MCPH1: variants seen among roughly 807,000 people sequenced by gnomAD.
The protein encoded by MCPH1 is microcephalin 1, also known as microcephalin.
Under a neutral mutation model 84.5 loss-of-function variants are expected in MCPH1, and 104 were observed. The ratio of observed to expected loss-of-function variants is 1.23; its 90% confidence interval spans 1.05 to 1.45. MCPH1 has a LOEUF of 1.45. MCPH1 is among the 40% of genes most tolerant of loss of function. The pLI is 0.00. For synonymous variants in MCPH1, 514 were observed against 366.8 expected, an observed-to-expected ratio of 1.40 and a Z score of -4.58; for missense variants, 1,498 against 1,005.7, an observed-to-expected ratio of 1.49 and a Z score of -6.62.
rs1268651795 is a variant in MCPH1, at chr8:6,442,067, C to A, written c.581C>A (p.Ser194Tyr). ...TGCAGTGTCTTGGTCCTGTTTTTAG[C>A]TTCCCAAATGATTCAGCAGTCTCAT... ...KEKRENLSPTSSQMIQQSHDN... is the reference protein window; with the variant it reads ...KEKRENLSPTYSQMIQQSHDN... The change falls in exon 7 of 14, where the codon TCT becomes TAT. Residue 194 changes from serine to tyrosine, a missense_variant and splice_region_variant. Ser to Tyr is a moderately radical substitution (Grantham distance 144). Coordinates refer to ENST00000344683, the MANE Select transcript of MCPH1 (RefSeq NM_024596.5). The A allele has an allele frequency of 3.7e-6, 6 of 1,610,350 alleles. No individual in the cohort carries two copies. The highest frequency in any genetic ancestry group is 5.1e-6 in the Non-Finnish European group (6 of 1,176,632).
intron 13 of MCPH1, among the ~76,000 whole-genome samples, chr8:6,640,098 G>GTGTA: frequency 8.4e-6 from 1 of 119,620 alleles, no homozygotes; most frequent in Non-Finnish European, 1.7e-5. Flanking sequence ...GTGTGTGTGT[G>GTGTA]CGCGCGCGTG....
intron 12 of MCPH1, among the ~76,000 whole-genome samples, chr8:6,614,417 A>G (rs901620137): frequency 2.6e-5 from 4 of 152,184 alleles, no homozygotes; most frequent in East Asian, 3.9e-4. Context: ...AGGAAGACCA[A>G]CTTAATCAAA....
intron 11 of MCPH1, among the ~76,000 whole-genome samples, chr8:6,486,205 G>A (rs1809882967): frequency 6.6e-6 from 1 of 151,872 alleles, no homozygotes; most frequent in Non-Finnish European, 1.5e-5. Context: ...TTCTTTTAGG[G>A]TCAAGATTTA....
At chr8:6,560,122 A>G (rs147591273) in intron 12 of MCPH1, among the ~76,000 whole-genome samples, 4 of 152,290 alleles carry the variant, frequency 2.6e-5, no homozygotes, top group African/African-American at 7.2e-5. Flanking sequence ...TTCCTGACAC[A>G]TGTTTTAATT....
intron 9 of MCPH1, among the ~76,000 whole-genome samples, chr8:6,460,050 T>C (rs1406252460): frequency 6.6e-6 from 1 of 152,154 alleles, no homozygotes; most frequent in Non-Finnish European, 1.5e-5. Flanking sequence ...TACCAGGGTA[T>C]TGTTTTTGTT....
intron 12 of MCPH1, among the ~76,000 whole-genome samples, chr8:6,593,081 G>GTTTTTTTTTTTTTTTTTTTT (rs377256909): frequency 1.6e-5 from 2 of 121,734 alleles, no homozygotes; most frequent in Non-Finnish European, 3.3e-5. Flanking sequence ...TTAGGGTGTG[G>GTTTTTTTTTTTTTTTTTTTT]TTTTTTTTTT....
chr8:6,414,997 C>A, intron 3 of MCPH1, 114 bp downstream of exon 3: 4 of 1,041,374 alleles, frequency 3.8e-6, no homozygotes, highest in East Asian at 2.7e-5. Context: ...CTTTTCTCTG[C>A]CTCTTACCTC....
chr8:6,444,686 T>C lies in MCPH1; in HGVS notation c.964T>C (p.Ser322Pro), dbSNP rs1247384323. The change falls in exon 8 of 14, where the codon TCT becomes CCT. Residue 322 changes from serine (S) to proline (P), a missense_variant. Transcript: ENST00000344683. Reference sequence around the variant, plus strand: ...TGACCAAAAGCAGGCTGCAGGTATGTCTCAGGAGACGTTTGAAGAGAAGTA... The same window carrying C: ...TGACCAAAAGCAGGCTGCAGGTATGCCTCAGGAGACGTTTGAAGAGAAGTA... ...TPDQKQAAGM[S>P]QETFEEKYRL... 6.2e-7 allele frequency: 1 copy of C among 1,613,946 alleles called. No homozygotes were observed. The highest frequency in any genetic ancestry group is 1.3e-5 in the African/African-American group (1 of 74,928).
intron 12 of MCPH1, among the ~76,000 whole-genome samples, chr8:6,509,916 CT>C (rs1368155602): frequency 6.6e-6 from 1 of 152,176 alleles, no homozygotes; most frequent in Non-Finnish European, 1.5e-5. Context: ...CTCGCTGCCG[CT>C]GCCTGGCATC....
intron 9 of MCPH1, 93 bp from the exon 10 acceptor site, chr8:6,477,501 C>T: frequency 1.7e-6 from 2 of 1,189,016 alleles, no homozygotes; most frequent in South Asian, 2.5e-5. Flanking sequence ...AGTGATGTAA[C>T]TTTTCAAAAA....
intron 12 of MCPH1, among the ~76,000 whole-genome samples, chr8:6,548,587 G>C (rs1304767368): frequency 6.6e-6 from 1 of 152,152 alleles, no homozygotes; most frequent in Non-Finnish European, 1.5e-5. Flanking sequence ...GATGAGCCAA[G>C]GTACAGAAAG....
Position 6,499,628 on chromosome 8 carries a change from C to G in MCPH1, c.2137-224C>G, listed in dbSNP as rs995277145. ...ATCTGACCTCATGAGAATAATGACTCAGATTTCTTGTTATCGTGAGACTTT... is the reference window on the plus strand; with the variant it reads ...ATCTGACCTCATGAGAATAATGACTGAGATTTCTTGTTATCGTGAGACTTT... On this transcript the variant is annotated intron_variant, in intron 11 of 13. Coordinates refer to ENST00000344683, the MANE Select transcript of MCPH1 (RefSeq NM_024596.5). 3 of 482,284 alleles carry G rather than the reference C, an allele frequency of 6.2e-6. No homozygotes were observed. In the East Asian group the frequency reaches 1.0e-4, roughly 17 times the overall value. The allele number at this position is 482,284 out of a possible 1,614,324, so 29.9% of individuals were successfully genotyped here.
chr8:6,525,345 T>A (rs1586362512), intron 12 of MCPH1, among the ~76,000 whole-genome samples: 1 of 152,218 alleles, frequency 6.6e-6, no homozygotes, highest in East Asian at 1.9e-4. Flanking sequence ...TCCACCTGCC[T>A]CAGCCATCCA....
At chr8:6,590,887 G>A (rs1366089466) in intron 12 of MCPH1, among the ~76,000 whole-genome samples, 1 of 152,066 alleles carries the variant, frequency 6.6e-6, no homozygotes, top group African/African-American at 2.4e-5. Flanking sequence ...TTTGTTGTTT[G>A]TTTGTTTTTG....
At chr8:6,570,473 C>T (rs991281349) in intron 12 of MCPH1, among the ~76,000 whole-genome samples, 1 of 152,178 alleles carries the variant, frequency 6.6e-6, no homozygotes, top group African/African-American at 2.4e-5. Context: ...AGCCATTTCC[C>T]CCGCATTATA....
At chr8:6,523,396 A>C (rs1817732057) in intron 12 of MCPH1, among the ~76,000 whole-genome samples, 1 of 152,184 alleles carries the variant, frequency 6.6e-6, no homozygotes, top group Non-Finnish European at 1.5e-5. Flanking sequence ...TCCTAATTTC[A>C]ACTTATAAAC....
intron 11 of MCPH1, chr8:6,494,141 G>A (rs563148089): frequency 3.3e-5 from 5 of 152,028 alleles, no homozygotes; most frequent in African/African-American, 7.3e-5. Context: ...GTTTCACCGT[G>A]TTGTCCAGGC....
intron 12 of MCPH1, among the ~76,000 whole-genome samples, chr8:6,557,800 A>T (rs1304214570): frequency 1.3e-5 from 2 of 152,044 alleles, no homozygotes; most frequent in African/African-American, 4.8e-5. Context: ...GTGAACAGCT[A>T]ATTGGAAAAC....
chr8:6,439,093 A>G lies in MCPH1; in HGVS notation c.577A>G (p.Thr193Ala). ...MKEKRENLSP[T>A]SSQMIQQSHD... ...GGAGAAAAGGGAAAATCTTTCCCCCACCTGTAAGTAATTAGTTTGTAAAAT... is the reference window on the plus strand; with the variant it reads ...GGAGAAAAGGGAAAATCTTTCCCCCGCCTGTAAGTAATTAGTTTGTAAAAT... Residue 193 changes from threonine to alanine, a missense_variant, in exon 6 of 14, where the codon ACC (threonine) becomes GCC (alanine). Transcript: ENST00000344683. The G allele has an allele frequency of 6.2e-7, 1 of 1,612,726 alleles. No homozygotes were observed. Among genetic ancestry groups the G allele is most frequent in the East Asian group, 2.2e-5 (1 of 44,812 alleles).
Sources: gnomAD v4.1 joint callset for allele counts (sites outside exome capture counted in the v4.1 genomes callset) on GRCh38, gnomAD v4.1.1 for gene constraint, MANE v1.5 for transcripts, NCBI Gene and HGNC (gene_info 2026-07-23, HGNC 2026-07-21) for gene names.